Variants in MAGI2 observed in about 807,000 individuals in gnomAD.
The protein encoded by MAGI2 is membrane associated guanylate kinase, WW and PDZ domain containing 2, also known as membrane-associated guanylate kinase, WW and PDZ domain-containing protein 2.
A neutral mutation model predicts 133.3 loss-of-function variants in MAGI2; 35 were observed. That is an observed-to-expected ratio of 0.26 (90% confidence interval 0.20 to 0.35). The LOEUF is 0.35. Among genes scored for constraint, MAGI2 ranks in the 10% least tolerant of loss-of-function variants. The pLI, the probability that MAGI2 is intolerant of heterozygous loss-of-function variation, is 1.00. For synonymous variants in MAGI2, 729 were observed against 710.6 expected, an observed-to-expected ratio of 1.03 and a Z score of -0.41; for missense variants, 1,636 against 1,863.4, an observed-to-expected ratio of 0.88 and a Z score of 2.25.
chr7:79,360,296 T>C (rs775874857), intron 1 of MAGI2, among the ~76,000 whole-genome samples: 1 of 152,122 alleles, frequency 6.6e-6, no homozygotes, highest in Admixed American at 6.5e-5. Context: ...GGCAAGGTTA[T>C]CTTGGGGTAA....
chr7:78,091,052 A>ATG (rs3084764), intron 20 of MAGI2, among the ~76,000 whole-genome samples: 5,014 of 150,062 alleles, frequency 0.033, 183 homozygotes, highest in African/African-American at 0.095. Flanking sequence ...ATGTGTGTGT[A>ATG]TGTGTGTGTG....
At chr7:78,300,731 T>C (rs1562784894) in intron 9 of MAGI2, among the ~76,000 whole-genome samples, 1 of 152,226 alleles carries the variant, frequency 6.6e-6, no homozygotes, top group African/African-American at 2.4e-5. Flanking sequence ...AGAAATATTT[T>C]ACATGGAAAT....
At chr7:79,432,490 G>T (rs1405516108) in intron 1 of MAGI2, among the ~76,000 whole-genome samples, 1 of 152,218 alleles carries the variant, frequency 6.6e-6, no homozygotes. Context: ...GAAGAATTCT[G>T]AAGGTGGGAA....
intron 15 of MAGI2, among the ~76,000 whole-genome samples, chr7:78,167,022 T>G (rs2150638112): frequency 6.6e-6 from 1 of 152,170 alleles, no homozygotes; most frequent in Non-Finnish European, 1.5e-5. Context: ...ACTTCTAGTA[T>G]TGATGATTCT....
chr7:78,223,081 C>T (rs1247386033), intron 10 of MAGI2, among the ~76,000 whole-genome samples: 1 of 152,168 alleles, frequency 6.6e-6, no homozygotes, highest in East Asian at 1.9e-4. Flanking sequence ...ATTGTCTGGG[C>T]AGTCAAAGGT....
intron 6 of MAGI2, among the ~76,000 whole-genome samples, chr7:78,464,916 G>A (rs34378097): frequency 0.036 from 5,485 of 152,072 alleles, 155 homozygotes; most frequent in African/African-American, 0.079. Flanking sequence ...TAATACCATT[G>A]CTATCAACCC....
At chr7:79,045,568 G>A (rs770593150) in intron 1 of MAGI2, among the ~76,000 whole-genome samples, 14 of 152,094 alleles carry the variant, frequency 9.2e-5, no homozygotes, top group Admixed American at 5.2e-4. Flanking sequence ...GGAGGCAGGC[G>A]GATCACGAGG....
intron 2 of MAGI2, among the ~76,000 whole-genome samples, chr7:78,842,850 C>T (rs1418280198): frequency 6.9e-6 from 1 of 143,928 alleles, no homozygotes; most frequent in African/African-American, 2.5e-5. Flanking sequence ...TAATTAGTAC[C>T]AGCTGTAATC....
In MAGI2 at chr7:79,051,930, A is replaced by G. The variant is rs192794772; in HGVS notation, c.302-44724T>C. ...TCTTTCTATATATATATATGTATTTAGTTTTATGTCTCAGAGATTTTTTTG... is the reference window on the plus strand; with the variant it reads ...TCTTTCTATATATATATATGTATTTGGTTTTATGTCTCAGAGATTTTTTTG... On this transcript the variant is annotated intron_variant, in intron 1 of 21. Transcript: ENST00000354212. Among the ~76,000 whole-genome samples the G allele has an allele frequency of 1.7e-4, 26 of 152,164 alleles. No homozygotes were observed. The East Asian group carries it at 5.0e-3, about 29-fold the overall frequency.
chr7:78,507,743 C>T (rs752295347), intron 4 of MAGI2, among the ~76,000 whole-genome samples: 42 of 152,258 alleles, frequency 2.8e-4, no homozygotes, highest in Non-Finnish European at 5.0e-4. Flanking sequence ...CAATATTTGT[C>T]AGTGAGAGAA....
intron 2 of MAGI2, among the ~76,000 whole-genome samples, chr7:78,879,094 G>A (rs955732440): frequency 6.6e-6 from 1 of 152,118 alleles, no homozygotes; most frequent in African/African-American, 2.4e-5. Context: ...GAGAACTTGG[G>A]GCAGAAGAAC....
chr7:78,526,944 G>C (rs918632775), intron 3 of MAGI2, among the ~76,000 whole-genome samples: 13 of 146,026 alleles, frequency 8.9e-5, no homozygotes, highest in Non-Finnish European at 1.8e-4. Context: ...GGAGGCAGAG[G>C]GTGCGGTCAG....
At chr7:79,452,022 A>T (rs1453605036) in intron 1 of MAGI2, among the ~76,000 whole-genome samples, 2 of 152,180 alleles carry the variant, frequency 1.3e-5, no homozygotes, top group African/African-American at 4.8e-5. Context: ...AATCTCCCCA[A>T]ATCCACATCA....
chr7:78,612,420 A>G (rs1372155514), intron 3 of MAGI2, among the ~76,000 whole-genome samples: 2 of 152,168 alleles, frequency 1.3e-5, no homozygotes, highest in Non-Finnish European at 2.9e-5. Flanking sequence ...TAACATGAGA[A>G]TGAGTATTAA....
intron 2 of MAGI2, among the ~76,000 whole-genome samples, chr7:78,929,354 A>G (rs944977239): frequency 1.3e-5 from 2 of 152,118 alleles, no homozygotes; most frequent in Non-Finnish European, 2.9e-5. Context: ...TCAACTTACT[A>G]TAAAAAGGCT....
At chr7:78,541,858 A>G (rs574681831) in intron 3 of MAGI2, among the ~76,000 whole-genome samples, 66 of 152,332 alleles carry the variant, frequency 4.3e-4, no homozygotes, top group East Asian at 9.6e-4. Context: ...CCTTCAAATA[A>G]TCTTTATGAA....
intron 1 of MAGI2, among the ~76,000 whole-genome samples, chr7:79,211,597 T>G (rs1416012976): frequency 6.6e-6 from 1 of 151,876 alleles, no homozygotes; most frequent in Non-Finnish European, 1.5e-5. Flanking sequence ...CCCAGCCTTA[T>G]ACAAACTCTT....
intron 1 of MAGI2, among the ~76,000 whole-genome samples, chr7:79,282,870 A>G (rs1835753611): frequency 6.6e-6 from 1 of 151,108 alleles, no homozygotes; most frequent in Non-Finnish European, 1.5e-5. Flanking sequence ...GGATTCAACT[A>G]CAAACTTCTG....
intron 1 of MAGI2, among the ~76,000 whole-genome samples, chr7:79,122,063 G>A (rs1195291996): frequency 1.3e-5 from 2 of 152,118 alleles, no homozygotes; most frequent in Non-Finnish European, 2.9e-5. Flanking sequence ...AAATGTAGAT[G>A]TTCAATTAAT....
Sources: allele counts gnomAD v4.1 joint callset (sites outside exome capture counted in the v4.1 genomes callset), GRCh38; gene constraint gnomAD v4.1.1; transcripts MANE v1.5; gene names NCBI Gene and HGNC (gene_info 2026-07-23, HGNC 2026-07-21).